The following SEMA5A variants were observed in gnomAD, a reference collection of about 807,000 sequenced individuals.
SEMA5A encodes semaphorin-5A.
SEMA5A carries 55 observed loss-of-function variants against 135.5 expected under a neutral mutation model. The observed-to-expected ratio is 0.41, with a 90% CI of 0.33 to 0.51. SEMA5A has a LOEUF of 0.51. Among genes scored for constraint, SEMA5A ranks in the 20% least tolerant of loss-of-function variants. SEMA5A has a pLI of 0.37. For synonymous variants in SEMA5A, 580 were observed against 546.5 expected, an observed-to-expected ratio of 1.06 and a Z score of -0.85; for missense variants, 1,290 against 1,419.9, an observed-to-expected ratio of 0.91 and a Z score of 1.47.
intron 5 of SEMA5A, among the ~76,000 whole-genome samples, chr5:9,311,967 C>T (rs1345230086): frequency 6.6e-6 from 1 of 151,940 alleles, no homozygotes; most frequent in African/African-American, 2.4e-5. Context: ...CCGTTAGAAA[C>T]AAAACAATAT....
chr5:9,438,542 A>G (rs1288663271), intron 1 of SEMA5A, among the ~76,000 whole-genome samples: 2 of 152,242 alleles, frequency 1.3e-5, no homozygotes, highest in African/African-American at 2.4e-5. Context: ...TGTATGCCAG[A>G]GGCTGAAAAT....
chr5:9,066,363 G>A lies in SEMA5A; in HGVS notation c.2299+58C>T, dbSNP rs911407177. ...CCCCCTTGCTGTTTATGACCTTAGA[G>A]AAAAGATCAAAGGCCCTTCCATGGA... On this transcript the variant is annotated intron_variant, in intron 17 of 22. Transcript: ENST00000382496. The A allele has an allele frequency of 1.1e-5, 17 of 1,528,352 alleles. No homozygotes were observed. In the African/African-American group the frequency reaches 1.4e-4, roughly 12 times the overall value. The allele number at this position is 1,528,352 out of a possible 1,614,324, so 94.7% of individuals were successfully genotyped here. A position where few individuals can be genotyped will look rare whatever the true frequency, so the allele number is the denominator to read the frequency against.
intron 2 of SEMA5A, among the ~76,000 whole-genome samples, chr5:9,382,480 A>G (rs140172110): frequency 5.2e-4 from 79 of 152,326 alleles, no homozygotes; most frequent in African/African-American, 1.9e-3. Context: ...AGATAAATAA[A>G]ACATAGATTT....
chr5:9,390,924 T>C (rs1177012038), intron 2 of SEMA5A: 2 of 152,218 alleles, frequency 1.3e-5, no homozygotes, highest in African/African-American at 4.8e-5. Context: ...CTCATTCCTT[T>C]GCCATTTTGC....
intron 21 of SEMA5A, 92 bp from the exon 22 acceptor site, chr5:9,044,676 G>A: frequency 9.2e-7 from 1 of 1,086,136 alleles, no homozygotes; most frequent in East Asian, 2.5e-5. Context: ...AAGTCAAAAT[G>A]AAAAGCTTCA....
Position 9,494,974 on chromosome 5 carries a change from C to CAT in SEMA5A, c.-175+50608_-175+50609dup, listed in dbSNP as rs759611221. Among the ~76,000 whole-genome samples the CAT allele has an allele frequency of 9.2e-5, 14 of 152,100 alleles. No individual in the cohort carries two copies. The East Asian group carries it at 9.7e-4, about 11-fold the overall frequency. On this transcript the variant is annotated intron_variant, in intron 1 of 22. Transcript: ENST00000382496. ...TTTCTTTTAAAAATTTTTAACTGTC[C>CAT]ATATATATTAAAATATTTATTCTGA... is the stretch of plus-strand genomic sequence containing the variant.
intron 17 of SEMA5A, 83 bp downstream of exon 17, chr5:9,066,338 C>T (rs1488197527): frequency 1.5e-6 from 2 of 1,318,446 alleles, no homozygotes; most frequent in Admixed American, 1.7e-5. Flanking sequence ...AAGGAAAATG[C>T]CCCCTTGCTG....
chr5:9,221,402 A>C (rs966558098), intron 8 of SEMA5A, among the ~76,000 whole-genome samples: 20 of 142,986 alleles, frequency 1.4e-4, no homozygotes, highest in Non-Finnish European at 2.1e-4. Context: ...TCCCGGGTTC[A>C]CACCATTCTC....
At chr5:9,184,316 T>C (rs11952859) in intron 11 of SEMA5A, among the ~76,000 whole-genome samples, 16,721 of 152,012 alleles carry the variant, frequency 0.11, 1,582 homozygotes, top group African/African-American at 0.23. Flanking sequence ...ATTTAAAAAC[T>C]TACCTGGCTA....
At chr5:9,454,611 C>T (rs544732907) in intron 1 of SEMA5A, among the ~76,000 whole-genome samples, 4 of 152,226 alleles carry the variant, frequency 2.6e-5, no homozygotes, top group Middle Eastern at 3.4e-3. Flanking sequence ...GAGATCTTAA[C>T]GTAAAAACAA....
chr5:9,394,876 A>T (rs1187751620), intron 2 of SEMA5A, among the ~76,000 whole-genome samples: 2 of 152,174 alleles, frequency 1.3e-5, no homozygotes, highest in Non-Finnish European at 2.9e-5. Flanking sequence ...TTCAATAATG[A>T]TGTGAGTGGA....
intron 2 of SEMA5A, among the ~76,000 whole-genome samples, chr5:9,394,076 A>G (rs1700653583): frequency 6.6e-6 from 1 of 152,212 alleles, no homozygotes; most frequent in Non-Finnish European, 1.5e-5. Context: ...ATAAAAGTAA[A>G]TGTGCAAGGA....
At chr5:9,536,143 G>A (rs997701899) in intron 1 of SEMA5A, among the ~76,000 whole-genome samples, 5 of 152,248 alleles carry the variant, frequency 3.3e-5, no homozygotes, top group Non-Finnish European at 7.3e-5. Context: ...ATGGGTTTGG[G>A]GGAGGACGGT....
rs1218512525 is a variant in SEMA5A, at chr5:9,239,600, TACTTAA to T, written c.271-1716_271-1711del. On this transcript the variant is annotated intron_variant, in intron 5 of 22. Transcript: ENST00000382496. ...AAGTAGATATCCACGTCTTGGCCTTTACTTAAACTTAAAACAGTATTGAGGATTGAT... is the reference window on the plus strand; with the variant it reads ...AAGTAGATATCCACGTCTTGGCCTTTACTTAAAACAGTATTGAGGATTGAT... Among the ~76,000 whole-genome samples, 8 of 152,206 alleles carry T rather than the reference TACTTAA, an allele frequency of 5.3e-5. No homozygotes were observed. The East Asian group carries it at 7.7e-4, about 15-fold the overall frequency.
intron 12 of SEMA5A, among the ~76,000 whole-genome samples, chr5:9,150,682 C>G (rs191098813): frequency 6.6e-6 from 1 of 152,310 alleles, no homozygotes; most frequent in East Asian, 1.9e-4. Flanking sequence ...GTCCCAGGAT[C>G]TCCTTAAGAA....
intron 1 of SEMA5A, among the ~76,000 whole-genome samples, chr5:9,542,692 G>T (rs1579715623): frequency 1.3e-5 from 2 of 152,274 alleles, no homozygotes; most frequent in East Asian, 1.9e-4. Context: ...TTAGAATCAA[G>T]AATTATGGAG....
intron 16 of SEMA5A, among the ~76,000 whole-genome samples, chr5:9,102,812 A>G (rs1739702808): frequency 6.6e-6 from 1 of 152,224 alleles, no homozygotes; most frequent in Admixed American, 6.5e-5. Flanking sequence ...GAGCAGTAAT[A>G]TTAGGCAGAT....
intron 13 of SEMA5A, among the ~76,000 whole-genome samples, chr5:9,127,814 G>T (rs1416154602): frequency 6.6e-6 from 1 of 152,106 alleles, no homozygotes; most frequent in Non-Finnish European, 1.5e-5. Flanking sequence ...AAATGACCAG[G>T]GAGGTTCCTA....
At chr5:9,430,457 T>A (rs945046136) in intron 2 of SEMA5A, among the ~76,000 whole-genome samples, 2 of 151,926 alleles carry the variant, frequency 1.3e-5, no homozygotes, top group Non-Finnish European at 2.9e-5. Context: ...TTCTAAATGG[T>A]GAGAATGGTG....
Sources: allele counts gnomAD v4.1 joint callset (sites outside exome capture counted in the v4.1 genomes callset), GRCh38; gene constraint gnomAD v4.1.1; transcripts MANE v1.5; gene names NCBI Gene and HGNC (gene_info 2026-07-23, HGNC 2026-07-21).